The following PVT1 variants were observed in gnomAD, a reference collection of about 807,000 sequenced individuals.
PVT1 encodes Pvt1 oncogene.
chr8:127,988,553 A>G (rs1421487129), intron 3 of PVT1, among the ~76,000 whole-genome samples: 1 of 152,206 alleles, frequency 6.6e-6, no homozygotes, highest in Non-Finnish European at 1.5e-5. Flanking sequence ...AGCCATCTTG[A>G]TGATCAGTTA....
chr8:128,073,504 T>C (rs904981973), intron 5 of PVT1, among the ~76,000 whole-genome samples: 4 of 152,082 alleles, frequency 2.6e-5, no homozygotes, highest in Admixed American at 2.0e-4. Flanking sequence ...AAATGCAGAC[T>C]TTTGACCAAT....
intron 3 of PVT1, among the ~76,000 whole-genome samples, chr8:127,927,444 G>A (rs1176830644): frequency 6.6e-6 from 1 of 152,126 alleles, no homozygotes; most frequent in African/African-American, 2.4e-5. Context: ...CTGTCAAAAA[G>A]CCCCATTGTA....
At chr8:128,055,998 A>G (rs1813757995) in intron 4 of PVT1, among the ~76,000 whole-genome samples, 1 of 152,196 alleles carries the variant, frequency 6.6e-6, no homozygotes. Context: ...ATCACTCACT[A>G]CTGGACACAG....
At chr8:127,859,046 GATTCTCCCGT>G (rs967226676) in intron 2 of PVT1, among the ~76,000 whole-genome samples, 3 of 151,900 alleles carry the variant, frequency 2.0e-5, no homozygotes, top group African/African-American at 7.3e-5. Flanking sequence ...GAGCTCGAGT[GATTCTCCCGT>G]CTTAGCTTCC....
chr8:128,042,895 C>T (rs191077896), intron 4 of PVT1, among the ~76,000 whole-genome samples: 1 of 152,212 alleles, frequency 6.6e-6, no homozygotes, highest in African/African-American at 2.4e-5. Flanking sequence ...TCCCAAGTAG[C>T]TGGGATTACA....
At chr8:128,019,217 T>C (rs952106412) in intron 4 of PVT1, among the ~76,000 whole-genome samples, 3 of 152,182 alleles carry the variant, frequency 2.0e-5, no homozygotes, top group Admixed American at 6.5e-5. Context: ...AGCCTGGTGG[T>C]TTTGTTTTAT....
chr8:127,898,145 A>G lies in PVT1; in HGVS notation n.782+7147A>G, dbSNP rs1221548608. Among the ~76,000 whole-genome samples the G allele has an allele frequency of 6.6e-6, 1 of 151,548 alleles. No individual in the cohort carries two copies. Among genetic ancestry groups the G allele is most frequent in the Non-Finnish European group, 1.5e-5 (1 of 67,856 alleles). ...AAGAAGGAAAGAAAGAAGATTCATT[A>G]TTCTGTCCTCTGAACCTGAGTGAAG... On this transcript the variant is annotated intron_variant and non_coding_transcript_variant, in intron 3 of 10. Coordinates refer to ENST00000651587, the Ensembl canonical transcript of PVT1. The surrounding 1 kb of genome is among the most constrained non-coding windows in gnomAD (Gnocchi z 4.4).
rs183290117 is a variant in PVT1 at position 128,078,910 on chromosome 8, C to G, written n.1114+8549C>G. Among the ~76,000 whole-genome samples, 6 of 152,214 alleles carry G rather than the reference C, an allele frequency of 3.9e-5. No homozygotes were observed. In the East Asian group the frequency reaches 1.2e-3, roughly 29 times the overall value. On this transcript the variant is annotated intron_variant and non_coding_transcript_variant, in intron 5 of 10. Transcript: ENST00000651587. ...AAGCAATTCTCCCACCTCAGCACCC[C>G]CCGAGTAGCTGGGACTATAGGCACC... is the stretch of plus-strand genomic sequence containing the variant.
intron 3 of PVT1, among the ~76,000 whole-genome samples, chr8:127,893,846 G>A (rs1470820070): frequency 6.6e-6 from 1 of 152,190 alleles, no homozygotes; most frequent in African/African-American, 2.4e-5. Context: ...AGGTGTATAC[G>A]AGGATGTAGC....
intron 5 of PVT1, chr8:128,082,972 A>T (rs1814206502): frequency 6.6e-6 from 1 of 152,190 alleles, no homozygotes; most frequent in Non-Finnish European, 1.5e-5. Context: ...ATTGTTTCTT[A>T]TTTTCAGCTG....
intron 3 of PVT1, among the ~76,000 whole-genome samples, chr8:127,949,679 A>G (rs1269439739): frequency 6.6e-6 from 1 of 152,104 alleles, no homozygotes; most frequent in Non-Finnish European, 1.5e-5. Flanking sequence ...TTAGCAGATG[A>G]CGCTGAAACC....
intron 1 of PVT1, among the ~76,000 whole-genome samples, chr8:127,794,886 G>C (rs2130180141): frequency 6.6e-6 from 1 of 152,026 alleles, no homozygotes; most frequent in Non-Finnish European, 1.5e-5. Flanking sequence ...CCAGCCTCAA[G>C]ACTGGTGGCG....
intron 3 of PVT1, among the ~76,000 whole-genome samples, chr8:127,901,113 A>G (rs988103297): frequency 6.6e-6 from 1 of 152,208 alleles, no homozygotes; most frequent in Admixed American, 6.5e-5. Flanking sequence ...ACTTGTGAAG[A>G]AGCCAACAGC....
chr8:128,087,231 G>A (rs906043022), intron 5 of PVT1, among the ~76,000 whole-genome samples: 1 of 152,116 alleles, frequency 6.6e-6, no homozygotes, highest in Admixed American at 6.5e-5. Context: ...GGCTGTAATC[G>A]TACCTTTTTA....
At chr8:127,921,464 C>T (rs987431893) in intron 3 of PVT1, among the ~76,000 whole-genome samples, 14 of 152,202 alleles carry the variant, frequency 9.2e-5, no homozygotes, top group South Asian at 8.3e-4. Flanking sequence ...AGGAAGGCCT[C>T]GACATTAGAT....
At chr8:127,984,865 CT>C (rs1226503459) in intron 3 of PVT1, among the ~76,000 whole-genome samples, 4 of 66,782 alleles carry the variant, frequency 6.0e-5, no homozygotes, top group African/African-American at 1.0e-4. Flanking sequence ...TTCTTTCTTT[CT>C]TTCTTTCTTT....
chr8:127,964,678 T>TATCC (rs1239152402), intron 3 of PVT1, among the ~76,000 whole-genome samples: 1 of 152,166 alleles, frequency 6.6e-6, no homozygotes, highest in Non-Finnish European at 1.5e-5. Flanking sequence ...TGGCACTGGA[T>TATCC]GTTGCTCGGC....
At chr8:128,060,589 G>A (rs910460141) in intron 4 of PVT1, among the ~76,000 whole-genome samples, 1 of 152,192 alleles carries the variant, frequency 6.6e-6, no homozygotes, top group South Asian at 2.1e-4. Context: ...CCTTCTCATG[G>A]GAGGGAAGGA....
At chr8:128,079,757 C>T (rs1455428590) in intron 5 of PVT1, among the ~76,000 whole-genome samples, 1 of 152,124 alleles carries the variant, frequency 6.6e-6, no homozygotes, top group East Asian at 1.9e-4. Flanking sequence ...TGGAGTCTCA[C>T]TCTGTCGCCC....
Sources: allele counts gnomAD v4.1 joint callset (sites outside exome capture counted in the v4.1 genomes callset), GRCh38; gene constraint gnomAD v4.1.1; non-coding constraint Gnocchi (gnomAD v3.1); transcripts MANE v1.5; gene names NCBI Gene and HGNC (gene_info 2026-07-23, HGNC 2026-07-21).